The following SEMA3D variants were observed in gnomAD, a reference collection of about 807,000 sequenced individuals.
The protein encoded by SEMA3D is semaphorin 3D.
SEMA3D carries 84 observed loss-of-function variants against 100.1 expected under a neutral mutation model. The ratio of observed to expected loss-of-function variants is 0.84; its 90% CI spans 0.70 to 1.01. SEMA3D has a LOEUF of 1.01. SEMA3D is among the 50% of genes least tolerant of loss of function. SEMA3D has a pLI of 0.00. For synonymous variants in SEMA3D, 312 were observed against 320.7 expected, an observed-to-expected ratio of 0.97 and a Z score of 0.29; for missense variants, 875 against 934.1, an observed-to-expected ratio of 0.94 and a Z score of 0.82.
chr7:85,103,305 A>C (rs1255649155), intron 3 of SEMA3D, among the ~76,000 whole-genome samples: 2 of 152,048 alleles, frequency 1.3e-5, no homozygotes, highest in African/African-American at 2.4e-5. Context: ...TGCTGGGTTC[A>C]AACTCATCAA....
chr7:85,239,951 T>G, the SEMA3D span, among the ~76,000 whole-genome samples: 1 of 152,298 alleles, frequency 6.6e-6, no homozygotes, highest in East Asian at 1.9e-4. Flanking sequence ...CATAATCATG[T>G]TTTCTACAAA....
At chr7:85,059,137 C>T (rs1791406357) in intron 8 of SEMA3D, among the ~76,000 whole-genome samples, 1 of 152,148 alleles carries the variant, frequency 6.6e-6, no homozygotes, top group Admixed American at 6.6e-5. Flanking sequence ...TTTACAGATG[C>T]TTAAATCCAG....
At chr7:85,170,392 A>G (rs1041755990) in intron 1 of SEMA3D, among the ~76,000 whole-genome samples, 2 of 151,896 alleles carry the variant, frequency 1.3e-5, no homozygotes, top group Admixed American at 6.6e-5. Flanking sequence ...ATGTGGAAAG[A>G]TATTTCTTGT....
At chr7:85,245,830 A>C in the SEMA3D span, among the ~76,000 whole-genome samples, 1 of 152,146 alleles carries the variant, frequency 6.6e-6, no homozygotes, top group Non-Finnish European at 1.5e-5. Flanking sequence ...TATTTCTCAC[A>C]TAGTAACAAA....
Position 85,060,990 on chromosome 7 carries a change from C to A in SEMA3D, c.718+4434G>T, listed in dbSNP as rs538478655. Among the ~76,000 whole-genome samples, 6 of 152,248 alleles carry A rather than the reference C, an allele frequency of 3.9e-5. No homozygotes were observed. The South Asian group carries it at 6.2e-4, about 16-fold the overall frequency. The stretch of plus-strand genomic sequence containing the variant: ...AAGTGGTCACACTTCTTAGTTTTAT[C>A]CTAAAATTGTAACAAAAGCTCAACT... On this transcript the variant is annotated intron_variant, in intron 8 of 18. Coordinates refer to ENST00000284136, the MANE Select transcript of SEMA3D (RefSeq NM_001384900.1).
intron 1 of SEMA3D, among the ~76,000 whole-genome samples, chr7:85,186,091 T>C (rs946091458): frequency 5.3e-5 from 8 of 152,168 alleles, no homozygotes; most frequent in African/African-American, 1.7e-4. Context: ...CGCCCATTCC[T>C]CTTCCAAAAC....
intron 2 of SEMA3D, among the ~76,000 whole-genome samples, chr7:85,146,968 T>C (rs1340604772): frequency 6.6e-6 from 1 of 151,966 alleles, no homozygotes; most frequent in Non-Finnish European, 1.5e-5. Context: ...CGGAAAAACA[T>C]AGTTCATTCC....
At chr7:85,231,667 G>A in the SEMA3D span, among the ~76,000 whole-genome samples, 2 of 151,976 alleles carry the variant, frequency 1.3e-5, no homozygotes, top group Non-Finnish European at 2.9e-5. Context: ...AGCCAGGATG[G>A]TCTCGATCTC....
intron 1 of SEMA3D, among the ~76,000 whole-genome samples, chr7:85,173,667 C>T (rs1007542578): frequency 6.6e-6 from 1 of 152,120 alleles, no homozygotes; most frequent in African/African-American, 2.4e-5. Context: ...TAACATACAG[C>T]TATTGTAACA....
chr7:85,128,136 T>C (rs1224528745), intron 2 of SEMA3D, among the ~76,000 whole-genome samples: 4 of 151,732 alleles, frequency 2.6e-5, no homozygotes, highest in East Asian at 3.9e-4. Context: ...GAATTAACTA[T>C]GTTTTTATTT....
intron 12 of SEMA3D, among the ~76,000 whole-genome samples, chr7:85,030,465 G>A (rs1790517621): frequency 6.6e-6 from 1 of 151,922 alleles, no homozygotes; most frequent in African/African-American, 2.4e-5. Flanking sequence ...GTAACAATTT[G>A]GGAGCAAATG....
chr7:85,076,372 A>G (rs1370918592), intron 5 of SEMA3D, among the ~76,000 whole-genome samples: 1 of 152,234 alleles, frequency 6.6e-6, no homozygotes, highest in African/African-American at 2.4e-5. Context: ...TCATACATAT[A>G]TAAATAACTA....
chr7:85,094,486 C>T (rs1788491153), intron 4 of SEMA3D, among the ~76,000 whole-genome samples: 1 of 151,962 alleles, frequency 6.6e-6, no homozygotes, highest in African/African-American at 2.4e-5. Flanking sequence ...GCTGGGGCTA[C>T]GTCACAGCTC....
At chr7:85,179,662 CT>C (rs145786339) in intron 1 of SEMA3D, among the ~76,000 whole-genome samples, 55,429 of 137,336 alleles carry the variant, frequency 0.4, 11,348 homozygotes, top group East Asian at 0.67. Flanking sequence ...TGGACTTGAA[CT>C]TTTTTTTTTT....
At chr7:85,225,634 G>A in the SEMA3D span, among the ~76,000 whole-genome samples, 1 of 152,112 alleles carries the variant, frequency 6.6e-6, no homozygotes, top group African/African-American at 2.4e-5. Flanking sequence ...CAGAAAAATT[G>A]TGATGAGCCA....
At chr7:85,122,243 A>AAAC (rs946994802) in intron 2 of SEMA3D, among the ~76,000 whole-genome samples, 3 of 151,874 alleles carry the variant, frequency 2.0e-5, no homozygotes, top group Non-Finnish European at 2.9e-5. Context: ...AAAAAAAAAA[A>AAAC]ACTATTAAGA....
At chr7:85,075,541 TGACAA>T (rs911547229) in intron 5 of SEMA3D, among the ~76,000 whole-genome samples, 1 of 152,170 alleles carries the variant, frequency 6.6e-6, no homozygotes, top group African/African-American at 2.4e-5. Context: ...TTTCCTGACT[TGACAA>T]GGCATACCTC....
chr7:85,207,437 C>G, the SEMA3D span, among the ~76,000 whole-genome samples: 1 of 151,888 alleles, frequency 6.6e-6, no homozygotes, highest in African/African-American at 2.4e-5. Flanking sequence ...AAACAGTTTG[C>G]CAAAAACCAG....
chr7:85,070,541 T>C (rs1219956756), intron 6 of SEMA3D, among the ~76,000 whole-genome samples: 3 of 152,128 alleles, frequency 2.0e-5, no homozygotes, highest in Non-Finnish European at 4.4e-5. Context: ...AAACTCCCTC[T>C]AGAAGTACAA....
Sources: gnomAD v4.1 joint callset for allele counts (sites outside exome capture counted in the v4.1 genomes callset) on GRCh38, gnomAD v4.1.1 for gene constraint, MANE v1.5 for transcripts, NCBI Gene and HGNC (gene_info 2026-07-23, HGNC 2026-07-21) for gene names.